The following CTNNA2 variants were observed in gnomAD, a reference collection of about 807,000 sequenced individuals.
CTNNA2 encodes catenin alpha 2.
In CTNNA2, 42 loss-of-function variants were observed where a neutral mutation model predicts 101.0. The observed-to-expected ratio is 0.42, with a 90% CI of 0.32 to 0.54. The LOEUF (loss-of-function observed/expected upper bound fraction) is 0.54. CTNNA2 is among the 20% of genes least tolerant of loss of function. The probability of loss-of-function intolerance (pLI) is 0.14; values close to 1 mark genes in which losing one functional copy is unlikely to be tolerated. For synonymous variants in CTNNA2, 450 were observed against 456.4 expected (o/e 0.99, Z 0.18); for missense variants, 871 against 1,223.1 (o/e 0.71, Z 4.29).
intron 2 of CTNNA2, among the ~76,000 whole-genome samples, chr2:79,308,731 G>T (rs542695540): frequency 3.2e-4 from 48 of 149,066 alleles, no homozygotes; most frequent in African/African-American, 1.1e-3. Context: ...TGGATAACCA[G>T]TTACCACCTA....
intron 9 of CTNNA2, among the ~76,000 whole-genome samples, chr2:80,473,380 A>G (rs1685467529): frequency 6.6e-6 from 1 of 152,220 alleles, no homozygotes; most frequent in African/African-American, 2.4e-5. Flanking sequence ...AACTATCATG[A>G]AGGGCTTTTT....
intron 9 of CTNNA2, among the ~76,000 whole-genome samples, chr2:80,511,591 C>A (rs944311807): frequency 9.2e-5 from 14 of 152,038 alleles, no homozygotes; most frequent in African/African-American, 2.7e-4. Flanking sequence ...TTGTCAAAAT[C>A]CTTGAATCTC....
chr2:80,345,915 T>G (rs1028015151), intron 7 of CTNNA2, among the ~76,000 whole-genome samples: 15 of 152,270 alleles, frequency 9.9e-5, no homozygotes, highest in African/African-American at 3.6e-4. Context: ...ACTCTACTAT[T>G]GTCTGTTGGA....
chr2:79,410,859 A>C (rs1312178318), intron 4 of CTNNA2, among the ~76,000 whole-genome samples: 1 of 151,944 alleles, frequency 6.6e-6, no homozygotes, highest in Admixed American at 6.6e-5. Flanking sequence ...TGATTGGAAT[A>C]GTTTCAGAAG....
At chr2:80,017,368 A>C (rs375277596) in intron 7 of CTNNA2, among the ~76,000 whole-genome samples, 1 of 152,026 alleles carries the variant, frequency 6.6e-6, no homozygotes, top group East Asian at 1.9e-4. Flanking sequence ...TTCTTCCTGT[A>C]TATATATATC....
chr2:80,314,456 T>C lies in CTNNA2; in HGVS notation c.1057-78755T>C, dbSNP rs536064701. 2.6e-5 allele frequency among the ~76,000 whole-genome samples: 4 copies of C among 152,244 alleles called. No homozygotes were observed. In the East Asian group the frequency reaches 5.8e-4, roughly 22 times the overall value. ...GATCGCCTCAATAGGAAGGACAGTT[T>C]AGTAAAATTAGGAAACACTCCCCTA... is the stretch of plus-strand genomic sequence containing the variant. On this transcript the variant is annotated intron_variant, in intron 7 of 18. Transcript: ENST00000402739.
chr2:79,418,997 C>T (rs1284263016), intron 4 of CTNNA2, among the ~76,000 whole-genome samples: 2 of 152,102 alleles, frequency 1.3e-5, no homozygotes, highest in Admixed American at 6.6e-5. Context: ...TAATTGGATG[C>T]TCTCCTTTGA....
At chr2:80,531,516 G>T (rs1690540633) in intron 9 of CTNNA2, among the ~76,000 whole-genome samples, 1 of 152,218 alleles carries the variant, frequency 6.6e-6, no homozygotes, top group African/African-American at 2.4e-5. Flanking sequence ...GTGCTACATT[G>T]AGAGGTAAGC....
At chr2:80,502,680 G>C (rs1254039995) in intron 9 of CTNNA2, among the ~76,000 whole-genome samples, 1 of 152,134 alleles carries the variant, frequency 6.6e-6, no homozygotes, top group Non-Finnish European at 1.5e-5. Context: ...ATTTGGTCAG[G>C]ATCCAGGCTA....
intron 3 of CTNNA2, among the ~76,000 whole-genome samples, chr2:79,344,726 T>C (rs1039953814): frequency 6.6e-6 from 1 of 150,888 alleles, no homozygotes; most frequent in Non-Finnish European, 1.5e-5. Flanking sequence ...CTAGGCTAGA[T>C]ACATGTTCAA....
chr2:80,601,372 C>T (rs72920786), intron 15 of CTNNA2, among the ~76,000 whole-genome samples: 2,364 of 148,292 alleles, frequency 0.016, 72 homozygotes, highest in African/African-American at 0.055. Context: ...GTTTAGTTAA[C>T]TCCTGTAAGA....
intron 4 of CTNNA2, among the ~76,000 whole-genome samples, chr2:79,860,546 GTTTTTT>G (rs56929879): frequency 3.7e-5 from 4 of 107,180 alleles, no homozygotes; most frequent in South Asian, 3.1e-4. Flanking sequence ...AGTAAGGGAA[GTTTTTT>G]TTTTTTTTTT....
At chr2:79,700,770 T>C (rs1684952312) in intron 2 of CTNNA2, among the ~76,000 whole-genome samples, 1 of 152,160 alleles carries the variant, frequency 6.6e-6, no homozygotes, top group Non-Finnish European at 1.5e-5. Flanking sequence ...CAGCATTCCT[T>C]CTTATCTCTC....
intron 7 of CTNNA2, among the ~76,000 whole-genome samples, chr2:80,023,300 G>A (rs982170482): frequency 6.6e-6 from 1 of 152,186 alleles, no homozygotes; most frequent in Non-Finnish European, 1.5e-5. Flanking sequence ...AAAATTGGTG[G>A]TGGTTGTTAC....
At chr2:79,452,247 C>T (rs1032342859) in intron 4 of CTNNA2, among the ~76,000 whole-genome samples, 7 of 152,054 alleles carry the variant, frequency 4.6e-5, no homozygotes, top group Non-Finnish European at 7.4e-5. Context: ...TCACATCAGT[C>T]TCTAAGTGCC....
intron 9 of CTNNA2, among the ~76,000 whole-genome samples, chr2:80,543,466 A>T (rs75543272): frequency 0.01 from 1,526 of 152,336 alleles, 34 homozygotes; most frequent in African/African-American, 0.034. Context: ...TTCACTTGTC[A>T]TAATTTCTCC....
At chr2:79,557,119 T>C (rs1379997681) in intron 1 of CTNNA2, among the ~76,000 whole-genome samples, 2 of 152,038 alleles carry the variant, frequency 1.3e-5, no homozygotes, top group Non-Finnish European at 2.9e-5. Context: ...TCTTCTTTTA[T>C]TGTCCCCTGT....
At chr2:80,611,308 G>A (rs1367445161) in intron 17 of CTNNA2, among the ~76,000 whole-genome samples, 5 of 151,262 alleles carry the variant, frequency 3.3e-5, no homozygotes, top group Non-Finnish European at 7.4e-5. Context: ...GAAAGATAAG[G>A]AGGGGAGGGG....
chr2:79,436,796 T>A (rs2104514844), intron 4 of CTNNA2, among the ~76,000 whole-genome samples: 1 of 152,150 alleles, frequency 6.6e-6, no homozygotes. Context: ...CAGGCCTGGC[T>A]AATTTTTTGT....
Sources: gnomAD v4.1 joint callset for allele counts (sites outside exome capture counted in the v4.1 genomes callset) on GRCh38, gnomAD v4.1.1 for gene constraint, MANE v1.5 for transcripts, NCBI Gene and HGNC (gene_info 2026-07-23, HGNC 2026-07-21) for gene names.